Variants in SLC24A2 observed in about 807,000 individuals in gnomAD.
SLC24A2 encodes solute carrier family 24 member 2.
Under a neutral mutation model 62.0 loss-of-function variants are expected in SLC24A2, and 36 were observed. The ratio of observed to expected loss-of-function variants is 0.58; its 90% confidence interval spans 0.44 to 0.77. The LOEUF (loss-of-function observed/expected upper bound fraction) is 0.77. Among genes scored for constraint, SLC24A2 ranks in the 30% least tolerant of loss-of-function variants. The pLI, the probability that SLC24A2 is intolerant of heterozygous loss-of-function variation, is 0.00. For synonymous variants in SLC24A2, 358 were observed against 294.0 expected (o/e 1.22, Z -2.23); for missense variants, 846 against 817.9 (o/e 1.03, Z -0.42).
the SLC24A2 span, among the ~76,000 whole-genome samples, chr9:19,994,694 G>T: frequency 6.6e-6 from 1 of 152,190 alleles, no homozygotes; most frequent in Non-Finnish European, 1.5e-5. Flanking sequence ...CTGCATATGT[G>T]AGGATCGGAC....
chr9:20,100,676 A>C, the SLC24A2 span, among the ~76,000 whole-genome samples: 21 of 152,210 alleles, frequency 1.4e-4, no homozygotes, highest in Non-Finnish European at 2.4e-4. Flanking sequence ...GAATATTCCA[A>C]TGCTACTACT....
the SLC24A2 span, among the ~76,000 whole-genome samples, chr9:19,962,597 T>C: frequency 6.6e-6 from 1 of 152,212 alleles, no homozygotes; most frequent in Non-Finnish European, 1.5e-5. Flanking sequence ...TAAGTTGGAT[T>C]CCTAAGTATT....
At chr9:19,909,769 G>A in the SLC24A2 span, among the ~76,000 whole-genome samples, 1 of 152,022 alleles carries the variant, frequency 6.6e-6, no homozygotes, top group Non-Finnish European at 1.5e-5. Context: ...AACCCTTCCT[G>A]CATCTGTTGA....
the SLC24A2 span, among the ~76,000 whole-genome samples, chr9:19,879,698 A>G: frequency 6.6e-6 from 1 of 152,092 alleles, no homozygotes; most frequent in Non-Finnish European, 1.5e-5. Flanking sequence ...TCTTGAGTCA[A>G]CTCTATCACT....
At chr9:20,261,213 G>A in the SLC24A2 span, among the ~76,000 whole-genome samples, 5 of 152,122 alleles carry the variant, frequency 3.3e-5, no homozygotes, top group East Asian at 9.6e-4. Flanking sequence ...ACATATGACT[G>A]AGAACATACA....
At position 19,510,497 on chromosome 9, in the gene SLC24A2, G is replaced by GA. The variant is rs972329105; in HGVS notation, c.*5655dup. On this transcript the variant is annotated 3_prime_UTR_variant, in exon 11 of 11. Transcript: ENST00000341998. ...AAGTGGATGGGTTTGGGTTAACTTG[G>GA]AGGGAGGCTTTTCTTGATGCTGATG... 2 of 150,772 alleles carry GA rather than the reference G, an allele frequency of 1.3e-5. No homozygotes were observed. The highest frequency in any genetic ancestry group is 3.0e-5 in the Non-Finnish European group (2 of 67,688). The allele number at this position is 150,772 out of a possible 1,614,324, so 9.3% of individuals were successfully genotyped here. A position where few individuals can be genotyped will look rare whatever the true frequency, so the allele number is the denominator to read the frequency against.
the SLC24A2 span, among the ~76,000 whole-genome samples, chr9:19,824,684 G>T: frequency 7.7e-4 from 117 of 152,108 alleles, no homozygotes; most frequent in African/African-American, 2.7e-3. Context: ...ATACCCAAAG[G>T]TTTATAAATC....
chr9:19,830,504 A>C, the SLC24A2 span, among the ~76,000 whole-genome samples: 1 of 152,218 alleles, frequency 6.6e-6, no homozygotes, highest in Non-Finnish European at 1.5e-5. Context: ...AACTTATCCC[A>C]AATGACACAG....
At chr9:19,571,774 C>T (rs766551187) in intron 7 of SLC24A2, among the ~76,000 whole-genome samples, 4 of 152,162 alleles carry the variant, frequency 2.6e-5, no homozygotes, top group East Asian at 1.9e-4. Context: ...AATTCTGATT[C>T]GCCTGATCAG....
chr9:20,202,699 G>A, the SLC24A2 span, among the ~76,000 whole-genome samples: 15,327 of 152,082 alleles, frequency 0.1, 1,994 homozygotes, highest in East Asian at 0.6. Flanking sequence ...GAAGAAGAGG[G>A]GAGAAAGGCA....
the SLC24A2 span, among the ~76,000 whole-genome samples, chr9:20,303,169 C>A: frequency 2.0e-5 from 3 of 151,912 alleles, no homozygotes; most frequent in African/African-American, 7.3e-5. Context: ...AGGCTGCTGC[C>A]CTTTTTCATG....
the SLC24A2 span, among the ~76,000 whole-genome samples, chr9:19,903,103 A>G: frequency 6.6e-6 from 1 of 151,824 alleles, no homozygotes; most frequent in South Asian, 2.1e-4. Flanking sequence ...ATCGAGTGCC[A>G]GACCTTGTGA....
chr9:19,686,816 T>C (rs966817273), intron 2 of SLC24A2, among the ~76,000 whole-genome samples: 9 of 152,100 alleles, frequency 5.9e-5, no homozygotes, highest in Admixed American at 2.6e-4. Flanking sequence ...AGCATGAGCA[T>C]GAACTAATAC....
rs1273265454 is a variant in SLC24A2, at chr9:19,788,898, G to A, written c.-167C>T. The A allele has an allele frequency of 3.0e-6, 3 of 985,268 alleles. No homozygotes were observed. Among genetic ancestry groups the A allele is most frequent in the African/African-American group, 3.5e-5 (2 of 57,248 alleles). The allele number at this position is 985,268 out of a possible 1,614,324, so 61.0% of individuals were successfully genotyped here. ...GCCCGCACTTACCAGGATAAGATGG[G>A]AGGACGCGCACACGGCGGGGCCCCC... is the stretch of plus-strand genomic sequence containing the variant. On this transcript the variant is annotated 5_prime_UTR_variant, in exon 1 of 11. Transcript: ENST00000341998.
chr9:19,686,456 A>G (rs1276659671), intron 2 of SLC24A2, among the ~76,000 whole-genome samples: 3 of 152,076 alleles, frequency 2.0e-5, no homozygotes, highest in African/African-American at 7.2e-5. Context: ...ACACATGTAC[A>G]TTGATATGGT....
the SLC24A2 span, among the ~76,000 whole-genome samples, chr9:19,931,412 G>C: frequency 6.6e-6 from 1 of 151,990 alleles, no homozygotes; most frequent in South Asian, 2.1e-4. Flanking sequence ...ACCAACAAGA[G>C]AAAACCCACA....
intron 2 of SLC24A2, among the ~76,000 whole-genome samples, chr9:19,771,789 G>A (rs1822697989): frequency 1.3e-5 from 2 of 152,190 alleles, no homozygotes; most frequent in African/African-American, 4.8e-5. Flanking sequence ...GCTAGACAAG[G>A]ACAGAGTAGA....
At chr9:20,101,815 G>A in the SLC24A2 span, among the ~76,000 whole-genome samples, 9 of 152,150 alleles carry the variant, frequency 5.9e-5, no homozygotes, top group Non-Finnish European at 1.3e-4. Context: ...TAAGGGAAGG[G>A]AGGGTACCAG....
the SLC24A2 span, among the ~76,000 whole-genome samples, chr9:20,102,583 G>A: frequency 6.6e-6 from 1 of 151,508 alleles, no homozygotes; most frequent in Non-Finnish European, 1.5e-5. Flanking sequence ...CATGGTACAT[G>A]TAAACCTTTG....
Sources: allele counts gnomAD v4.1 joint callset (sites outside exome capture counted in the v4.1 genomes callset), GRCh38; gene constraint gnomAD v4.1.1; transcripts MANE v1.5; gene names NCBI Gene and HGNC (gene_info 2026-07-23, HGNC 2026-07-21).